The following EPM2A variants were observed in gnomAD, a reference collection of about 807,000 sequenced individuals.
The protein encoded by EPM2A is laforin.
A neutral mutation model predicts 26.5 loss-of-function variants in EPM2A; 21 were observed. The ratio of observed to expected loss-of-function variants is 0.79; its 90% CI spans 0.56 to 1.14. The LOEUF (loss-of-function observed/expected upper bound fraction) is 1.14. EPM2A is among the 50% of genes most tolerant of loss of function. The probability of loss-of-function intolerance (pLI) is 0.00; values close to 1 mark genes in which losing one functional copy is unlikely to be tolerated. For synonymous variants in EPM2A, 217 were observed against 177.6 expected, an observed-to-expected ratio of 1.22 and a Z score of -1.76; for missense variants, 458 against 440.8, an observed-to-expected ratio of 1.04 and a Z score of -0.35.
At chr6:145,486,830 A>G (rs1317221284) in intron 4 of EPM2A, among the ~76,000 whole-genome samples, 1 of 152,124 alleles carries the variant, frequency 6.6e-6, no homozygotes, top group Non-Finnish European at 1.5e-5. Context: ...TATGTATAAG[A>G]GTTTATTTTT....
chr6:145,545,987 T>C (rs1780578679), intron 2 of EPM2A, among the ~76,000 whole-genome samples: 1 of 152,176 alleles, frequency 6.6e-6, no homozygotes, highest in African/African-American at 2.4e-5. Flanking sequence ...TTATTGCTCT[T>C]ATCACATGTG....
chr6:145,564,781 G>A (rs929490028), intron 2 of EPM2A, among the ~76,000 whole-genome samples: 1 of 148,760 alleles, frequency 6.7e-6, no homozygotes, highest in African/African-American at 2.5e-5. Context: ...GGTGGGGGGG[G>A]GCAGGGGGTG....
chr6:145,444,651 T>A (rs1405292265), intron 4 of EPM2A, among the ~76,000 whole-genome samples: 1 of 152,226 alleles, frequency 6.6e-6, no homozygotes, highest in Admixed American at 6.5e-5. Flanking sequence ...ATTTATAGAT[T>A]TTTTTCCAAA....
chr6:145,676,311 A>G (rs1780034374), intron 2 of EPM2A, among the ~76,000 whole-genome samples: 1 of 152,230 alleles, frequency 6.6e-6, no homozygotes, highest in African/African-American at 2.4e-5. Flanking sequence ...CTAAATGCCC[A>G]CAAGAGAAAG....
chr6:145,572,036 G>A (rs1780965658), intron 2 of EPM2A, among the ~76,000 whole-genome samples: 1 of 152,152 alleles, frequency 6.6e-6, no homozygotes, highest in South Asian at 2.1e-4. Flanking sequence ...TGACCATCCA[G>A]CCAAACCATT....
At position 145,627,110 on chromosome 6, in the gene EPM2A, G is replaced by A. The variant is rs1290877745; in HGVS notation, c.*306C>T. The A allele has an allele frequency of 2.2e-5, 28 of 1,291,052 alleles. No individual in the cohort carries two copies. The highest frequency in any genetic ancestry group is 3.1e-5 in the South Asian group (2 of 63,642). 80.0% of individuals were successfully genotyped at this position (1,291,052 alleles called of 1,614,324 possible). On this transcript the variant is annotated 3_prime_UTR_variant, in exon 4 of 4. Coordinates refer to ENST00000367519, the MANE Select transcript of EPM2A (RefSeq NM_005670.4). ...TCCATCGTGCAACACATACAGTGCT[G>A]TAAAGCAAAGGCCTCGTCTGCCTGC... is the stretch of plus-strand genomic sequence containing the variant.
At chr6:145,696,843 G>C (rs1386653376) in intron 1 of EPM2A, among the ~76,000 whole-genome samples, 1 of 147,420 alleles carries the variant, frequency 6.8e-6, no homozygotes, top group Non-Finnish European at 1.5e-5. Flanking sequence ...TTTCAAGGTA[G>C]AAAACTGATT....
chr6:145,726,985 CTCTG>C (rs1309674997), intron 1 of EPM2A, among the ~76,000 whole-genome samples: 1 of 152,052 alleles, frequency 6.6e-6, no homozygotes, highest in Non-Finnish European at 1.5e-5. Flanking sequence ...TATAAGAACA[CTCTG>C]TACCGTCTTT....
intron 4 of EPM2A, among the ~76,000 whole-genome samples, chr6:145,467,119 T>C (rs1779408783): frequency 1.3e-5 from 2 of 152,102 alleles, no homozygotes; most frequent in African/African-American, 4.8e-5. Flanking sequence ...ATTGTGCACA[T>C]GTACCCTAAA....
At chr6:145,481,652 C>T (rs1779612776) in intron 4 of EPM2A, among the ~76,000 whole-genome samples, 1 of 152,116 alleles carries the variant, frequency 6.6e-6, no homozygotes, top group African/African-American at 2.4e-5. Context: ...TGACCCAGAA[C>T]CACTCAGCCA....
intron 2 of EPM2A, among the ~76,000 whole-genome samples, chr6:145,539,454 G>T (rs545610135): frequency 6.6e-6 from 1 of 152,284 alleles, no homozygotes; most frequent in Non-Finnish European, 1.5e-5. Flanking sequence ...ACCTTGGAGG[G>T]CCTAAATGTA....
intron 2 of EPM2A, among the ~76,000 whole-genome samples, chr6:145,598,007 C>T (rs1193434325): frequency 1.3e-5 from 2 of 152,144 alleles, no homozygotes; most frequent in Non-Finnish European, 2.9e-5. Context: ...CATGTCTTTG[C>T]TATTGCAAAT....
intron 1 of EPM2A, among the ~76,000 whole-genome samples, chr6:145,724,623 G>A (rs966945131): frequency 6.6e-6 from 1 of 152,014 alleles, no homozygotes; most frequent in Non-Finnish European, 1.5e-5. Context: ...TAAACCTACA[G>A]TAATGAACAG....
chr6:145,414,601 C>T (rs1778683727), intron 4 of EPM2A, among the ~76,000 whole-genome samples: 1 of 151,914 alleles, frequency 6.6e-6, no homozygotes, highest in South Asian at 2.1e-4. Context: ...CTCTTTTGTC[C>T]TCCTCCTTTG....
At chr6:145,622,845 C>T (rs1284543691), downstream of EPM2A, among the ~76,000 whole-genome samples, 2 of 152,222 alleles carry the variant, frequency 1.3e-5, no homozygotes, top group African/African-American at 4.8e-5. Context: ...ATTATTATGG[C>T]TGCCCCAGCA....
chr6:145,682,061 C>T (rs1475246209), intron 2 of EPM2A, among the ~76,000 whole-genome samples: 1 of 152,168 alleles, frequency 6.6e-6, no homozygotes, highest in African/African-American at 2.4e-5. Context: ...CTAATAAAGA[C>T]ATACCCAAGA....
At chr6:145,405,421 T>C (rs1194128476) in intron 4 of EPM2A, among the ~76,000 whole-genome samples, 1 of 152,092 alleles carries the variant, frequency 6.6e-6, no homozygotes, top group East Asian at 1.9e-4. Flanking sequence ...GACTTTCTCT[T>C]GGGGACTATA....
intron 4 of EPM2A, among the ~76,000 whole-genome samples, chr6:145,463,037 A>T (rs1419216576): frequency 6.6e-6 from 1 of 152,210 alleles, no homozygotes; most frequent in Non-Finnish European, 1.5e-5. Flanking sequence ...TTATTTAAAA[A>T]ATTCAAGCAC....
chr6:145,490,108 A>G, intron 4 of EPM2A: 1 of 1,219,528 alleles, frequency 8.2e-7, no homozygotes. Flanking sequence ...TTTGTTATAT[A>G]ATAGTCATTG....
Sources: gnomAD v4.1 joint callset for allele counts (sites outside exome capture counted in the v4.1 genomes callset) on GRCh38, gnomAD v4.1.1 for gene constraint, MANE v1.5 for transcripts, NCBI Gene and HGNC (gene_info 2026-07-23, HGNC 2026-07-21) for gene names.